Variants in ANKS1B observed in about 807,000 individuals in gnomAD.
ANKS1B encodes the protein ankyrin repeat and sterile alpha motif domain-containing protein 1B.
ANKS1B carries 36 observed loss-of-function variants against 148.3 expected under a neutral mutation model. The ratio of observed to expected loss-of-function variants is 0.24; its 90% CI spans 0.19 to 0.32. The LOEUF is 0.32. Among genes scored for constraint, ANKS1B ranks in the 10% least tolerant of loss-of-function variants. The pLI is 1.00. For missense variants in ANKS1B, 1,157 were observed against 1,542.6 expected (o/e 0.75, Z 4.19); for synonymous variants, 542 against 560.8 (o/e 0.97, Z 0.47).
At chr12:98,824,016 G>A (rs2099224698) in intron 19 of ANKS1B, among the ~76,000 whole-genome samples, 1 of 152,116 alleles carries the variant, frequency 6.6e-6, no homozygotes, top group East Asian at 1.9e-4. Context: ...TGCTTTTTAA[G>A]CTAACAGTTC....
At chr12:99,953,030 A>G (rs2095254095) in intron 1 of ANKS1B, among the ~76,000 whole-genome samples, 1 of 152,236 alleles carries the variant, frequency 6.6e-6, no homozygotes, top group Non-Finnish European at 1.5e-5. Flanking sequence ...ATGATTGAAA[A>G]CACAGGTGAA....
chr12:99,830,532 C>CA (rs985189512), intron 1 of ANKS1B, among the ~76,000 whole-genome samples: 7 of 149,522 alleles, frequency 4.7e-5, no homozygotes, highest in African/African-American at 1.7e-4. Context: ...AAAACAATAC[C>CA]AAAAAATGTT....
intron 20 of ANKS1B, among the ~76,000 whole-genome samples, chr12:98,804,373 T>A (rs1353101434): frequency 5.3e-5 from 8 of 151,956 alleles, no homozygotes; most frequent in Admixed American, 5.2e-4. Context: ...AAAATAAATT[T>A]CTTTTCTGCC....
intron 17 of ANKS1B, among the ~76,000 whole-genome samples, chr12:98,893,917 C>G (rs569045968): frequency 3.0e-4 from 45 of 152,208 alleles, no homozygotes; most frequent in Non-Finnish European, 4.6e-4. Context: ...TCCTGATAAA[C>G]ACAGGACCTT....
chr12:99,134,641 T>TCA (rs1314829413), intron 15 of ANKS1B, among the ~76,000 whole-genome samples: 217 of 81,680 alleles, frequency 2.7e-3, no homozygotes, highest in Non-Finnish European at 3.8e-3. Flanking sequence ...TCTCTCTCTC[T>TCA]CTCTCACACA....
chr12:99,061,084 C>T (rs1196114956), intron 16 of ANKS1B, among the ~76,000 whole-genome samples: 4 of 152,096 alleles, frequency 2.6e-5, no homozygotes, highest in Admixed American at 2.6e-4. Flanking sequence ...TTAAACTTGT[C>T]CTCTCTTCTT....
intron 17 of ANKS1B, among the ~76,000 whole-genome samples, chr12:98,965,129 G>A (rs879447469): frequency 2.0e-5 from 3 of 151,940 alleles, no homozygotes; most frequent in Non-Finnish European, 2.9e-5. Context: ...CTGGACTCTG[G>A]AGTCAGATTC....
At chr12:98,833,388 A>T (rs1238562726) in intron 17 of ANKS1B, among the ~76,000 whole-genome samples, 3 of 152,158 alleles carry the variant, frequency 2.0e-5, no homozygotes, top group Non-Finnish European at 4.4e-5. Context: ...TTAAAAACAC[A>T]TTGTATATTC....
At chr12:98,916,410 G>T (rs550812749) in intron 17 of ANKS1B, among the ~76,000 whole-genome samples, 1 of 152,168 alleles carries the variant, frequency 6.6e-6, no homozygotes, top group Non-Finnish European at 1.5e-5. Flanking sequence ...TGGTGGAGGC[G>T]GCAGTCTATC....
chr12:99,658,149 G>A (rs149315048), intron 8 of ANKS1B, among the ~76,000 whole-genome samples: 6 of 152,190 alleles, frequency 3.9e-5, no homozygotes, highest in East Asian at 1.9e-4. Context: ...TCTGCACAGC[G>A]TATTGTAGTG....
At chr12:99,365,777 C>T (rs2092730747) in intron 12 of ANKS1B, among the ~76,000 whole-genome samples, 1 of 152,016 alleles carries the variant, frequency 6.6e-6, no homozygotes, top group Non-Finnish European at 1.5e-5. Flanking sequence ...CTATCAGGTA[C>T]CTCTTCTGAT....
chr12:99,454,006 G>C (rs2095803398), intron 10 of ANKS1B, among the ~76,000 whole-genome samples: 3 of 152,158 alleles, frequency 2.0e-5, no homozygotes, highest in Non-Finnish European at 4.4e-5. Context: ...GTGCCATCAA[G>C]AACTCAAAGA....
intron 9 of ANKS1B, among the ~76,000 whole-genome samples, chr12:99,652,063 G>A (rs1167075193): frequency 7.4e-6 from 1 of 135,212 alleles, no homozygotes; most frequent in Non-Finnish European, 1.6e-5. Context: ...CATAAAACAT[G>A]TTTACATGTG....
At chr12:99,520,856 G>T (rs553457419) in intron 9 of ANKS1B, among the ~76,000 whole-genome samples, 1 of 152,208 alleles carries the variant, frequency 6.6e-6, no homozygotes, top group Admixed American at 6.5e-5. Flanking sequence ...AAGTGCAATG[G>T]CATGATCTCA....
chr12:99,240,021 T>C (rs1443246484), intron 14 of ANKS1B, among the ~76,000 whole-genome samples: 1 of 152,028 alleles, frequency 6.6e-6, no homozygotes, highest in Non-Finnish European at 1.5e-5. Context: ...ACAGGCAAAA[T>C]AACCAGCTAA....
chr12:99,385,482 A>C (rs2093823231), intron 12 of ANKS1B, among the ~76,000 whole-genome samples: 1 of 152,222 alleles, frequency 6.6e-6, no homozygotes, highest in African/African-American at 2.4e-5. Context: ...TAATAATAAT[A>C]ATAATTTTAA....
rs539466972 is a variant in ANKS1B, at chr12:98,789,100, T to C, written c.3343-6963A>G. On this transcript the variant is annotated intron_variant, in intron 22 of 26. Transcript: ENST00000683438. ...GCTCATGCCTATAATCTCAGCACTC[T>C]GAGAGGCCGAGACGGGCAGATCACT... 8.5e-5 allele frequency among the ~76,000 whole-genome samples: 13 copies of C among 152,312 alleles called. No individual in the cohort carries two copies. The East Asian group carries it at 2.5e-3, about 29-fold the overall frequency.
chr12:99,910,888 GTAA>G (rs1411315543), intron 1 of ANKS1B, among the ~76,000 whole-genome samples: 1 of 152,098 alleles, frequency 6.6e-6, no homozygotes, highest in African/African-American at 2.4e-5. Flanking sequence ...TATGAGAATG[GTAA>G]TAATAACAAT....
intron 17 of ANKS1B, chr12:98,895,050 C>A: frequency 1.1e-6 from 1 of 922,430 alleles, no homozygotes; most frequent in Non-Finnish European, 1.3e-6. Context: ...GCTGGCTGCG[C>A]TCTCCATTGT....
Sources: gnomAD v4.1 joint callset for allele counts (sites outside exome capture counted in the v4.1 genomes callset) on GRCh38, gnomAD v4.1.1 for gene constraint, MANE v1.5 for transcripts, NCBI Gene and HGNC (gene_info 2026-07-23, HGNC 2026-07-21) for gene names.